The following PPA1 variants were observed in gnomAD, a reference collection of about 807,000 sequenced individuals.
PPA1 encodes inorganic pyrophosphatase 1.
In PPA1, 23 loss-of-function variants were observed where a neutral mutation model predicts 41.8. The ratio of observed to expected loss-of-function variants is 0.55; its 90% CI spans 0.40 to 0.78. PPA1 has a LOEUF of 0.78. Among genes scored for constraint, PPA1 ranks in the 30% least tolerant of loss-of-function variants. The probability of loss-of-function intolerance (pLI) is 0.00; values close to 1 mark genes in which losing one functional copy is unlikely to be tolerated. For synonymous variants in PPA1, 101 were observed against 116.8 expected (o/e 0.86, Z 0.87); for missense variants, 320 against 361.6 (o/e 0.89, Z 0.93).
At chr10:70,215,013 G>T (rs1312535127) in intron 4 of PPA1, among the ~76,000 whole-genome samples, 1 of 152,070 alleles carries the variant, frequency 6.6e-6, no homozygotes, top group African/African-American at 2.4e-5. Context: ...TAGCCAACAT[G>T]GTGAAACACT....
chr10:70,230,250 A>T, intron 2 of PPA1, 91 bp downstream of exon 2: 1 of 1,436,276 alleles, frequency 7.0e-7, no homozygotes, highest in Non-Finnish European at 9.7e-7. Flanking sequence ...GAGGCATTTT[A>T]AGCACTTGTT....
Position 70,210,580 on chromosome 10 carries a change from C to T in PPA1, c.512-895G>A, listed in dbSNP as rs1286157951. ...TTAAAAATTTTAAGTTTCTGTATAG[C>T]CATCAACAATGGCTAGCCTCAATGT... On this transcript the variant is annotated intron_variant, in intron 6 of 10. Transcript: ENST00000373232. Among the ~76,000 whole-genome samples the T allele has an allele frequency of 2.0e-5, 3 of 152,220 alleles. No homozygotes were observed. In the East Asian group the frequency reaches 5.8e-4, roughly 29 times the overall value.
rs79127999 is a variant in PPA1 at position 70,211,196 on chromosome 10, T to C, written c.512-1511A>G. On this transcript the variant is annotated intron_variant, in intron 6 of 10. Coordinates refer to ENST00000373232, the MANE Select transcript of PPA1 (RefSeq NM_021129.4). The stretch of plus-strand genomic sequence containing the variant: ...TAGTAAATTTCAAAGAACTTATAAT[T>C]TACATGAAATGTGTCACCTGATATA... 6.6e-3 allele frequency among the ~76,000 whole-genome samples: 1,002 copies of C among 152,294 alleles called. 12 individuals carry two copies. The highest frequency in any genetic ancestry group is 0.023 in the African/African-American group (960 of 41,544).
intron 6 of PPA1, chr10:70,209,915 T>C: frequency 2.0e-6 from 1 of 490,196 alleles, no homozygotes; most frequent in Non-Finnish European, 3.6e-6. Flanking sequence ...GAAAATCATC[T>C]AGTATCTCTG....
At chr10:70,209,797 A>G in intron 6 of PPA1, 112 bp from the exon 7 acceptor site, 5 of 1,262,068 alleles carry the variant, frequency 4.0e-6, no homozygotes. Flanking sequence ...CAAAAATTCC[A>G]AGTACTTATT....
In PPA1 at chr10:70,217,798, G is replaced by T; in HGVS notation, c.297+14C>A. On this transcript the variant is annotated intron_variant, in intron 4 of 10. Coordinates refer to ENST00000373232, the MANE Select transcript of PPA1 (RefSeq NM_021129.4). ...GCTAAAAAGTACATTGTCAGCAGTT[G>T]CATGAAGACATACCTGAGGGATGGC... 2 of 1,521,734 alleles carry T rather than the reference G, an allele frequency of 1.3e-6. No homozygotes were observed. The highest frequency in any genetic ancestry group is 1.3e-5 in the South Asian group (1 of 78,158). The allele number at this position is 1,521,734 out of a possible 1,614,324, so 94.3% of individuals were successfully genotyped here. A position where few individuals can be genotyped will look rare whatever the true frequency, so the allele number is the denominator to read the frequency against.
intron 2 of PPA1, among the ~76,000 whole-genome samples, chr10:70,228,218 C>G (rs945695734): frequency 6.6e-6 from 1 of 152,164 alleles, no homozygotes; most frequent in Non-Finnish European, 1.5e-5. Flanking sequence ...CCTTATAAGG[C>G]TTCAGTGTCT....
intron 2 of PPA1, among the ~76,000 whole-genome samples, chr10:70,226,860 G>A (rs1459472703): frequency 6.6e-6 from 1 of 151,980 alleles, no homozygotes; most frequent in African/African-American, 2.4e-5. Context: ...CTTTCAGAAG[G>A]GGAAAAAAGA....
At position 70,233,257 on chromosome 10, in the gene PPA1, C is replaced by T; in HGVS notation, c.64+7G>A. The stretch of plus-strand genomic sequence containing the variant: ...GCGCGGAGGGGCCACGGGCCGCAGA[C>T]ACTCACTGAGGAAGACTCGGTACTC... On this transcript the variant is annotated splice_region_variant and intron_variant, in intron 1 of 10. Transcript: ENST00000373232. The T allele has an allele frequency of 1.3e-6, 2 of 1,537,644 alleles. No homozygotes were observed. Among genetic ancestry groups the T allele is most frequent in the Non-Finnish European group, 1.8e-6 (2 of 1,142,536 alleles).
rs1303274588 is a variant in PPA1, at chr10:70,209,701, G to A, written c.512-16C>T. 1.3e-6 allele frequency: 2 copies of A among 1,570,948 alleles called. No individual in the cohort carries two copies. The highest frequency in any genetic ancestry group is 1.9e-5 in the Admixed American group (1 of 52,504). On this transcript the variant is annotated splice_polypyrimidine_tract_variant and intron_variant, in intron 6 of 10. Coordinates refer to ENST00000373232, the MANE Select transcript of PPA1 (RefSeq NM_021129.4). ...TCATTGATATCTAAGAAGAGAAGAA[G>A]CATAAGATGACAGTGAGAATGATTT... is the stretch of plus-strand genomic sequence containing the variant.
intron 8 of PPA1, 83 bp from the exon 9 acceptor site, chr10:70,206,416 G>T: frequency 1.0e-6 from 1 of 969,404 alleles, no homozygotes; most frequent in Non-Finnish European, 1.6e-6. Flanking sequence ...GAAAGTGGTT[G>T]ACCAGGTGAT....
chr10:70,212,784 A>G (rs1188402396), intron 6 of PPA1, among the ~76,000 whole-genome samples: 2 of 151,962 alleles, frequency 1.3e-5, no homozygotes, highest in East Asian at 3.9e-4. Flanking sequence ...TCACACTTTA[A>G]TTAAAATGGT....
At chr10:70,210,209 T>C (rs1840001220) in intron 6 of PPA1, 3 of 375,116 alleles carry the variant, frequency 8.0e-6, no homozygotes, top group Non-Finnish European at 1.5e-5. Context: ...GCCTCCTGAG[T>C]AGCTGGGACT....
chr10:70,225,498 A>G (rs1840220323), intron 2 of PPA1, among the ~76,000 whole-genome samples: 1 of 152,140 alleles, frequency 6.6e-6, no homozygotes, highest in South Asian at 2.1e-4. Context: ...TACGGGCATA[A>G]GCCACGGCAC....
chr10:70,211,814 C>T (rs147341206), intron 6 of PPA1, among the ~76,000 whole-genome samples: 1 of 152,206 alleles, frequency 6.6e-6, no homozygotes, highest in Non-Finnish European at 1.5e-5. Context: ...TGGAAATGCA[C>T]ACACGGACCA....
chr10:70,206,338 T>A lies in PPA1; in HGVS notation c.726-5A>T, dbSNP rs1206747317. 2.5e-6 allele frequency: 4 copies of A among 1,605,238 alleles called. No individual in the cohort carries two copies. The highest frequency in any genetic ancestry group is 3.4e-6 in the Non-Finnish European group (4 of 1,172,282). On this transcript the variant is annotated splice_polypyrimidine_tract_variant and splice_region_variant and intron_variant, in intron 8 of 10. Transcript: ENST00000373232. ...TCAGACAAAGTTGTATTCATGCTAT[T>A]AAATAAAACAAAAGTAGTCATAAGA...
intron 9 of PPA1, 27 bp downstream of exon 9, chr10:70,206,237 T>G (rs748026002): frequency 6.4e-7 from 1 of 1,569,120 alleles, no homozygotes; most frequent in African/African-American, 1.4e-5. Flanking sequence ...CCAGGCTTGT[T>G]TTTTTTTTAA....
chr10:70,207,881 A>G (rs868158828), intron 8 of PPA1, among the ~76,000 whole-genome samples: 1 of 152,060 alleles, frequency 6.6e-6, no homozygotes, highest in African/African-American at 2.4e-5. Context: ...TACTAATATA[A>G]TATGTGCCCA....
chr10:70,233,295 C>A lies in PPA1; in HGVS notation c.33G>T (p.Ala11=), dbSNP rs1453812672. The A allele has an allele frequency of 6.5e-7, 1 of 1,542,654 alleles. No individual in the cohort carries two copies. ...AGACTCGGTACTCCAGGGAGAAGGGCGCGGCGCGCTCCTCGGTGCTGAAGC... is the reference window on the plus strand; with the variant it reads ...AGACTCGGTACTCCAGGGAGAAGGGAGCGGCGCGCTCCTCGGTGCTGAAGC... MSGFSTEERA[A]PFSLEYRVFL... Residue 11 remains alanine, a synonymous_variant, in exon 1 of 11, where the codon GCG becomes GCT. Coordinates refer to ENST00000373232, the MANE Select transcript of PPA1 (RefSeq NM_021129.4).
Sources: gnomAD v4.1 joint callset for allele counts (sites outside exome capture counted in the v4.1 genomes callset) on GRCh38, gnomAD v4.1.1 for gene constraint, MANE v1.5 for transcripts, NCBI Gene and HGNC (gene_info 2026-07-23, HGNC 2026-07-21) for gene names.